The following SP140 variants were observed in gnomAD, a reference collection of about 807,000 sequenced individuals.
The protein encoded by SP140 is nuclear body protein SP140.
Under a neutral mutation model 125.0 loss-of-function variants are expected in SP140, and 81 were observed. The observed-to-expected ratio is 0.65, with a 90% CI of 0.54 to 0.78. The LOEUF (loss-of-function observed/expected upper bound fraction) is 0.78, where lower values mean the gene tolerates loss of function less well. SP140 is among the 30% of genes least tolerant of loss of function. The pLI, the probability that SP140 is intolerant of heterozygous loss-of-function variation, is 0.00. For missense variants in SP140, 858 were observed against 1,037.0 expected, an observed-to-expected ratio of 0.83 and a Z score of 2.37; for synonymous variants, 312 against 354.0, an observed-to-expected ratio of 0.88 and a Z score of 1.33.
chr2:230,295,483 G>A (rs1014117858), intron 21 of SP140, among the ~76,000 whole-genome samples: 1 of 152,188 alleles, frequency 6.6e-6, no homozygotes, highest in Admixed American at 6.5e-5. Context: ...ACCCAAATGA[G>A]CTGGCAATTT....
At chr2:230,269,466 A>G (rs2053606638) in intron 12 of SP140, 66 bp from the exon 13 acceptor site, 2 of 965,858 alleles carry the variant, frequency 2.1e-6, no homozygotes, top group East Asian at 4.8e-5. Context: ...GTATAGCAGC[A>G]CTGGAAACTC....
At position 230,297,428 on chromosome 2, in the gene SP140, T is replaced by C. The variant is rs560374343; in HGVS notation, c.2024T>C (p.Leu675Pro). ...TTTCTGTTTTTTCAACAGAGAATAC[T>C]GAAGTCTCAAAACAATAGCTCAGTT... ...RIRYRKKKRI[L>P]KSQNNSSVDP... Residue 675 changes from leucine to proline, a missense_variant, in exon 22 of 27, where the codon CTG (leucine) becomes CCG (proline). Coordinates refer to ENST00000392045, the MANE Select transcript of SP140 (RefSeq NM_007237.5). The C allele has an allele frequency of 4.7e-5, 76 of 1,613,944 alleles. No individual in the cohort carries two copies. The highest frequency in any genetic ancestry group is 2.2e-4 in the Admixed American group (13 of 60,020).
intron 15 of SP140, among the ~76,000 whole-genome samples, chr2:230,276,775 G>A (rs1235586615): frequency 1.3e-5 from 2 of 152,186 alleles, no homozygotes; most frequent in Non-Finnish European, 2.9e-5. Context: ...CATGATATAT[G>A]AGAGGAGGTC....
At chr2:230,221,535 G>T (rs949227162), upstream of SP140, among the ~76,000 whole-genome samples, 1 of 152,192 alleles carries the variant, frequency 6.6e-6, no homozygotes, top group Admixed American at 6.5e-5. Flanking sequence ...GGTAATGGCT[G>T]TGGGTGAAAC....
At chr2:230,241,671 T>C (rs916821909) in intron 4 of SP140, among the ~76,000 whole-genome samples, 184 bp downstream of exon 4, 20 of 152,106 alleles carry the variant, frequency 1.3e-4, no homozygotes, top group African/African-American at 4.3e-4. Flanking sequence ...AAAAAGGAGA[T>C]CTGATCTCTT....
intron 19 of SP140, 63 bp downstream of exon 19, chr2:230,290,627 A>G (rs887284510): frequency 2.2e-6 from 3 of 1,335,092 alleles, no homozygotes; most frequent in Admixed American, 3.8e-5. Flanking sequence ...GTAGTGGGGA[A>G]TTATCATGTG....
chr2:230,307,658 T>C (rs2149596927), intron 22 of SP140, among the ~76,000 whole-genome samples: 1 of 152,284 alleles, frequency 6.6e-6, no homozygotes, highest in African/African-American at 2.4e-5. Flanking sequence ...CATGTCTGAC[T>C]GTATGCAGTG....
rs528020759 is a variant in SP140 at position 230,285,936 on chromosome 2, T to C, written c.1645+104T>C. 3.5e-6 allele frequency: 3 copies of C among 858,308 alleles called. No homozygotes were observed. In the Admixed American group the frequency reaches 6.2e-5, roughly 18 times the overall value. The allele number at this position is 858,308 out of a possible 1,614,324, so 53.2% of individuals were successfully genotyped here. A position where few individuals can be genotyped will look rare whatever the true frequency, so the allele number is the denominator to read the frequency against. Reference sequence around the variant, plus strand: ...CACCTTAATTGTTTACTCATCAAGCTTAGTCAATTGGAGAGCAGTGAAATC... The same window carrying C: ...CACCTTAATTGTTTACTCATCAAGCCTAGTCAATTGGAGAGCAGTGAAATC... On this transcript the variant is annotated intron_variant, in intron 17 of 26. Transcript: ENST00000392045.
chr2:230,225,602 G>A, upstream of SP140: 1 of 575,884 alleles, frequency 1.7e-6, no homozygotes, highest in Non-Finnish European at 3.1e-6. Context: ...AGGAACAAGT[G>A]ACCCTGTCTT....
At chr2:230,221,054 G>A (rs188023825), upstream of SP140, among the ~76,000 whole-genome samples, 13 of 152,058 alleles carry the variant, frequency 8.5e-5, no homozygotes, top group East Asian at 2.5e-3. Context: ...AGGCTGAGAT[G>A]GGTGGATCAC....
intron 15 of SP140, among the ~76,000 whole-genome samples, chr2:230,273,728 A>G (rs953422743): frequency 5.3e-5 from 8 of 152,242 alleles, no homozygotes; most frequent in Non-Finnish European, 1.2e-4. Context: ...TGGATAAAGA[A>G]AATGTGGTTC....
At chr2:230,232,307 C>T (rs1001572235) in intron 1 of SP140, among the ~76,000 whole-genome samples, 13 of 152,222 alleles carry the variant, frequency 8.5e-5, no homozygotes, top group Non-Finnish European at 1.8e-4. Flanking sequence ...ATTCATCAAA[C>T]ATACCAGGCT....
chr2:230,229,177 A>T (rs1482880935), intron 1 of SP140, among the ~76,000 whole-genome samples: 1 of 151,904 alleles, frequency 6.6e-6, no homozygotes, highest in African/African-American at 2.4e-5. Context: ...AATGTCCCAA[A>T]TTCTGCCCTC....
intron 23 of SP140, 53 bp from the exon 24 acceptor site, chr2:230,310,690 G>A (rs1456430797): frequency 3.3e-6 from 4 of 1,215,918 alleles, no homozygotes; most frequent in African/African-American, 3.1e-5. Flanking sequence ...CCACAGGAAC[G>A]GTGGCCATTT....
chr2:230,301,093 A>C (rs1310623380), intron 22 of SP140, among the ~76,000 whole-genome samples: 1 of 152,218 alleles, frequency 6.6e-6, no homozygotes, highest in Non-Finnish European at 1.5e-5. Flanking sequence ...AACCCAATCC[A>C]ACAAGAAAAA....
intron 15 of SP140, among the ~76,000 whole-genome samples, chr2:230,281,215 C>T (rs1189857019): frequency 1.3e-5 from 2 of 152,192 alleles, no homozygotes; most frequent in African/African-American, 2.4e-5. Flanking sequence ...CATCAATATA[C>T]TTTCACATAG....
upstream of SP140, chr2:230,202,698 T>G (rs200591551): frequency 7.9e-5 from 128 of 1,614,174 alleles, no homozygotes; most frequent in Non-Finnish European, 1.0e-4. Flanking sequence ...TTTGAGCTTC[T>G]TTTGGATTCC....
In SP140 at chr2:230,217,884, C is replaced by T. The variant is rs950912884; in HGVS notation, c.-91+3810C>T. On this transcript the variant is annotated intron_variant, in intron 3 of 4. Coordinates refer to the SP140 transcript ENST00000456542. ...ACCTGGTAATATTTGGAAACTTTAA[C>T]GAACCACTCCCAATCTTCAACACAA... is the stretch of plus-strand genomic sequence containing the variant. Among the ~76,000 whole-genome samples, 4 of 152,324 alleles carry T rather than the reference C, an allele frequency of 2.6e-5. No individual in the cohort carries two copies. In the South Asian group the frequency reaches 6.2e-4, roughly 24 times the overall value.
Position 230,237,670 on chromosome 2 carries a change from T to C in SP140, c.237+410T>C, listed in dbSNP as rs2048179496. The C allele has an allele frequency of 6.1e-6, 1 of 164,806 alleles. No homozygotes were observed. The highest frequency in any genetic ancestry group is 1.3e-5 in the Non-Finnish European group (1 of 76,844). The allele number at this position is 164,806 out of a possible 1,614,324, so 10.2% of individuals were successfully genotyped here. A position where few individuals can be genotyped will look rare whatever the true frequency, so the allele number is the denominator to read the frequency against. ...TGTCATTTTAGGTTACATTTGGAAG[T>C]GGATGCTTGCTACTGTCTCTCCAAA... On this transcript the variant is annotated intron_variant, in intron 2 of 26. Transcript: ENST00000392045. This position sits in a 1 kb window ranked among gnomAD's most constrained non-coding sequence, Gnocchi z 5.4.
Sources: allele counts gnomAD v4.1 joint callset (sites outside exome capture counted in the v4.1 genomes callset), GRCh38; gene constraint gnomAD v4.1.1; non-coding constraint Gnocchi (gnomAD v3.1); transcripts MANE v1.5; gene names NCBI Gene and HGNC (gene_info 2026-07-23, HGNC 2026-07-21).